Variants in KLHL13 observed in about 807,000 individuals in gnomAD.
The protein encoded by KLHL13 is kelch-like protein 13.
In KLHL13, 10 loss-of-function variants were observed where a neutral mutation model predicts 37.1. That is an observed-to-expected ratio of 0.27 (90% CI 0.17 to 0.46). KLHL13 has a LOEUF of 0.46. KLHL13 is among the 20% of genes least tolerant of loss of function. The probability of loss-of-function intolerance (pLI) is 1.00; values close to 1 mark genes in which losing one functional copy is unlikely to be tolerated. For missense variants in KLHL13, 360 were observed against 509.3 expected (o/e 0.71, Z 2.82); for synonymous variants, 163 against 181.2 (o/e 0.90, Z 0.81).
rs1194306099 is a variant in KLHL13 at position 117,979,330 on chromosome X, AT to A, written c.-55-33756del. On this transcript the variant is annotated intron_variant, in intron 1 of 6. Transcript: ENST00000371882. Reference sequence around the variant, plus strand: ...TTGGTAAGAGCAATACAGAGAGACGATTTATCATCATCAGTAGGGGTAACAT... The same window carrying A: ...TTGGTAAGAGCAATACAGAGAGACGATTATCATCATCAGTAGGGGTAACAT... 4.5e-5 allele frequency among the ~76,000 whole-genome samples: 5 copies of A among 111,864 alleles called. No homozygotes were observed. The Admixed American group carries it at 4.8e-4, about 11-fold the overall frequency.
chrX:118,078,643 G>A (rs2054954787), intron 1 of KLHL13, among the ~76,000 whole-genome samples: 1 of 111,286 alleles, frequency 9.0e-6, no homozygotes, highest in Non-Finnish European at 1.9e-5. Context: ...CATACACCAC[G>A]TTTGTTTATT....
chrX:118,096,301 C>T (rs2055205614), intron 1 of KLHL13, among the ~76,000 whole-genome samples: 1 of 111,759 alleles, frequency 8.9e-6, no homozygotes, highest in Non-Finnish European at 1.9e-5. Flanking sequence ...CTATAAACAC[C>T]TCTACACAAA....
intron 1 of KLHL13, among the ~76,000 whole-genome samples, chrX:118,063,559 A>T (rs2054764383): frequency 9.0e-6 from 1 of 111,103 alleles, no homozygotes; most frequent in African/African-American, 3.3e-5. Context: ...TTTGGTCAAA[A>T]CTCTTTTATG....
At chrX:117,912,291 G>T (rs1388431092) in intron 4 of KLHL13, among the ~76,000 whole-genome samples, 2 of 111,506 alleles carry the variant, frequency 1.8e-5, no homozygotes, top group Admixed American at 9.5e-5. Flanking sequence ...CATCATTATT[G>T]ATATGATTAC....
At position 118,022,867 on chromosome X, in the gene KLHL13, G is replaced by T. The variant is rs148318426; in HGVS notation, c.-55-77292C>A. The stretch of plus-strand genomic sequence containing the variant: ...CAACTTGTTTATTTTTGTTTCTGTT[G>T]CCTAAGCTTTTGGGGTGATATCCAA... On this transcript the variant is annotated intron_variant, in intron 1 of 6. Coordinates refer to the KLHL13 transcript ENST00000371882. 3.0e-3 allele frequency among the ~76,000 whole-genome samples: 326 copies of T among 109,753 alleles called. 1 individual carries two copies. The highest frequency in any genetic ancestry group is 0.011 in the African/African-American group (314 of 29,167).
At chrX:118,035,198 T>C (rs1187220111) in intron 1 of KLHL13, among the ~76,000 whole-genome samples, 1 of 105,181 alleles carries the variant, frequency 9.5e-6, no homozygotes, top group Non-Finnish European at 1.9e-5. Flanking sequence ...TCTGAAACTA[T>C]TCCAATCAAT....
intron 1 of KLHL13, among the ~76,000 whole-genome samples, chrX:118,071,557 T>C (rs1298748918): frequency 8.9e-6 from 1 of 111,790 alleles, no homozygotes; most frequent in Non-Finnish European, 1.9e-5. Context: ...AAATGTCTTC[T>C]TTTGAGAAGT....
chrX:117,982,006 A>G (rs1292722890), intron 1 of KLHL13, among the ~76,000 whole-genome samples: 1 of 110,437 alleles, frequency 9.1e-6, no homozygotes, highest in Non-Finnish European at 1.9e-5. Context: ...CTAGCCCAAA[A>G]CCCCTAGAAA....
In KLHL13 at chrX:117,908,066, ATTATTTATTTATTTAT is replaced by A. The variant is rs78358758; in HGVS notation, c.1366+1219_1366+1234del. Among the ~76,000 whole-genome samples the A allele has an allele frequency of 2.9e-4, 29 of 99,211 alleles. No individual in the cohort carries two copies. The East Asian group carries it at 3.9e-3, about 13-fold the overall frequency. 86.2% of individuals were successfully genotyped at this position (99,211 alleles called of 115,157 possible). ...CCTGGAATTGGTCAACTACAAGGACATTATTTATTTATTTATTTATTTATTTATTTATTTATTTATT... is the reference window on the plus strand; with the variant it reads ...CCTGGAATTGGTCAACTACAAGGACATTATTTATTTATTTATTTATTTATT... On this transcript the variant is annotated intron_variant, in intron 5 of 6. Transcript: ENST00000262820.
At chrX:118,055,442 G>T (rs943389165) in intron 1 of KLHL13, among the ~76,000 whole-genome samples, 1 of 112,009 alleles carries the variant, frequency 8.9e-6, no homozygotes, top group African/African-American at 3.2e-5. Flanking sequence ...TACAGATTTG[G>T]TTTCTTTAAA....
chrX:118,079,686 G>A (rs1278196951), intron 1 of KLHL13, among the ~76,000 whole-genome samples: 1 of 110,931 alleles, frequency 9.0e-6, no homozygotes, highest in Non-Finnish European at 1.9e-5. Flanking sequence ...TGGATTTGAA[G>A]AATCAATGTC....
chrX:117,946,820 A>T (rs1933345679), intron 1 of KLHL13: 1 of 112,097 alleles, frequency 8.9e-6, no homozygotes, highest in African/African-American at 3.2e-5. Flanking sequence ...ATCAGTTTTA[A>T]CAAGAAAAAG....
intron 1 of KLHL13, among the ~76,000 whole-genome samples, chrX:118,060,901 C>T (rs989785262): frequency 1.2e-4 from 13 of 111,227 alleles, no homozygotes; most frequent in South Asian, 7.6e-4. Flanking sequence ...CCTTGGCTTC[C>T]AGATGGCCAT....
At chrX:117,985,447 T>TAAAA (rs555339137) in intron 1 of KLHL13, 144 of 608,750 alleles carry the variant, frequency 2.4e-4, no homozygotes, top group Non-Finnish European at 2.6e-4. Context: ...TTTATATATT[T>TAAAA]AAAAAAAAAA....
At chrX:117,998,725 A>G (rs1029117644) in intron 1 of KLHL13, among the ~76,000 whole-genome samples, 52 of 110,087 alleles carry the variant, frequency 4.7e-4, no homozygotes, top group African/African-American at 1.7e-3. Context: ...TACCAGAAAT[A>G]CTCTGCTATA....
chrX:117,951,460 T>C lies in KLHL13; in HGVS notation c.99-5885A>G, dbSNP rs757624714. On this transcript the variant is annotated intron_variant, in intron 1 of 6. Transcript: ENST00000262820. ...ATTGTTGTTTAAAGAATATATCTTC[T>C]TAATGAGGTGTTTGCCTGAAAGGAA... Among the ~76,000 whole-genome samples, 5 of 111,584 alleles carry C rather than the reference T, an allele frequency of 4.5e-5. No individual in the cohort carries two copies. The East Asian group carries it at 1.4e-3, about 31-fold the overall frequency.
At chrX:118,096,608 T>G (rs2055209450) in intron 1 of KLHL13, among the ~76,000 whole-genome samples, 1 of 111,494 alleles carries the variant, frequency 9.0e-6, no homozygotes. Flanking sequence ...TACCAAAGCC[T>G]GGCAGAGACA....
intron 1 of KLHL13, among the ~76,000 whole-genome samples, chrX:117,981,767 G>C (rs1477899455): frequency 9.0e-6 from 1 of 111,405 alleles, no homozygotes; most frequent in Non-Finnish European, 1.9e-5. Flanking sequence ...GATTTGTAAA[G>C]CACAGAACAA....
chrX:118,070,026 T>C lies in KLHL13; in HGVS notation c.-56+46482A>G, dbSNP rs1160813051. On this transcript the variant is annotated intron_variant, in intron 1 of 6. Transcript: ENST00000371882. Reference sequence around the variant, plus strand: ...TTAGATACACAAATACAGATCATTATGTTTCAACTACCTATAGTATTCAGT... The same window carrying C: ...TTAGATACACAAATACAGATCATTACGTTTCAACTACCTATAGTATTCAGT... Among the ~76,000 whole-genome samples, 31 of 112,320 alleles carry C rather than the reference T, an allele frequency of 2.8e-4. No homozygotes were observed. The Admixed American group carries it at 2.9e-3, about 11-fold the overall frequency.
Sources: allele counts gnomAD v4.1 joint callset (sites outside exome capture counted in the v4.1 genomes callset), GRCh38; gene constraint gnomAD v4.1.1; transcripts MANE v1.5; gene names NCBI Gene and HGNC (gene_info 2026-07-23, HGNC 2026-07-21).